The following PAK5 variants were observed in gnomAD, a reference collection of about 807,000 sequenced individuals.
PAK5 encodes the protein p21 (RAC1) activated kinase 5.
In PAK5, 16 loss-of-function variants were observed where a neutral mutation model predicts 65.9. The observed-to-expected ratio is 0.24, with a 90% CI of 0.16 to 0.37. The LOEUF is 0.37. Ranked by LOEUF, PAK5 falls within the 10% of genes least tolerant of loss-of-function variation. The pLI is 1.00. For missense variants in PAK5, 785 were observed against 903.9 expected (o/e 0.87, Z 1.69); for synonymous variants, 371 against 354.9 (o/e 1.05, Z -0.51).
intron 1 of PAK5, among the ~76,000 whole-genome samples, chr20:9,735,357 C>T (rs1321612573): frequency 2.0e-5 from 3 of 152,120 alleles, no homozygotes; most frequent in African/African-American, 7.2e-5. Flanking sequence ...CAATGTCTCC[C>T]TCAAGTATTC....
chr20:9,692,107 AG>A (rs1277164828), intron 2 of PAK5, among the ~76,000 whole-genome samples: 3 of 152,334 alleles, frequency 2.0e-5, no homozygotes, highest in Non-Finnish European at 2.9e-5. Context: ...TTCCTTCCAG[AG>A]AATTAATACT....
intron 2 of PAK5, among the ~76,000 whole-genome samples, chr20:9,703,376 G>A (rs2123467901): frequency 6.6e-6 from 1 of 152,220 alleles, no homozygotes; most frequent in African/African-American, 2.4e-5. Context: ...ATGCAGTTGG[G>A]AATTCCGAGC....
intron 2 of PAK5, among the ~76,000 whole-genome samples, chr20:9,708,679 T>G (rs2048039057): frequency 6.6e-6 from 1 of 152,174 alleles, no homozygotes; most frequent in South Asian, 2.1e-4. Flanking sequence ...GGACTTCCTC[T>G]GGCTGCTGGA....
chr20:9,676,539 GA>G (rs73613695), intron 2 of PAK5, among the ~76,000 whole-genome samples: 28,546 of 152,070 alleles, frequency 0.19, 2,914 homozygotes, highest in East Asian at 0.36. Context: ...AAACAGGAAA[GA>G]AAACAGGATA....
chr20:9,787,594 C>T (rs1203501910), intron 1 of PAK5, among the ~76,000 whole-genome samples: 1 of 150,970 alleles, frequency 6.6e-6, no homozygotes, highest in Non-Finnish European at 1.5e-5. Context: ...AAAACTGACG[C>T]TTACTCTGCA....
At position 9,537,619 on chromosome 20, in the gene PAK5, T is replaced by C. The variant is rs2045191619; in HGVS notation, c.*1843A>G. On this transcript the variant is annotated 3_prime_UTR_variant, in exon 10 of 10. Coordinates refer to ENST00000353224, the MANE Select transcript of PAK5 (RefSeq NM_177990.4). ...AATGTTTATTCTGGTTTAAAAAAGA[T>C]TTTCTTTTTCTTTTCTTTCTACTTC... The C allele has an allele frequency of 4.6e-6, 1 of 215,298 alleles. No homozygotes were observed. The highest frequency in any genetic ancestry group is 1.9e-4 in the South Asian group (1 of 5,334). 13.3% of individuals were successfully genotyped at this position (215,298 alleles called of 1,614,324 possible). A position where few individuals can be genotyped will look rare whatever the true frequency, so the allele number is the denominator to read the frequency against.
chr20:9,612,930 T>C lies in PAK5; in HGVS notation c.204+31195A>G, dbSNP rs1568998899. 2.6e-5 allele frequency among the ~76,000 whole-genome samples: 4 copies of C among 152,276 alleles called. No homozygotes were observed. The South Asian group carries it at 8.3e-4, about 32-fold the overall frequency. On this transcript the variant is annotated intron_variant, in intron 3 of 9. Coordinates refer to ENST00000353224, the MANE Select transcript of PAK5 (RefSeq NM_177990.4). Reference sequence around the variant, plus strand: ...ATTAGACTATACAATCTATTAAAAATAGACTTTATTTTACCTATTATTCAA... The same window carrying C: ...ATTAGACTATACAATCTATTAAAAACAGACTTTATTTTACCTATTATTCAA...
At chr20:9,690,742 CTTTCTTTCTTTTT>C (rs1160306804) in intron 2 of PAK5, among the ~76,000 whole-genome samples, 1 of 125,672 alleles carries the variant, frequency 8.0e-6, no homozygotes, top group African/African-American at 3.3e-5. Flanking sequence ...TTCTTTCTTT[CTTTCTTTCTTTTT>C]TTTTTTTTTT....
At chr20:9,827,996 T>C (rs1978403713) in intron 1 of PAK5, among the ~76,000 whole-genome samples, 1 of 152,012 alleles carries the variant, frequency 6.6e-6, no homozygotes, top group East Asian at 1.9e-4. Context: ...CATGCCCAGC[T>C]AATGTTTTTT....
intron 1 of PAK5, among the ~76,000 whole-genome samples, chr20:9,816,771 C>T (rs2049362238): frequency 6.6e-6 from 1 of 152,108 alleles, no homozygotes; most frequent in Non-Finnish European, 1.5e-5. Flanking sequence ...CAATACCATA[C>T]CTTATAATAA....
At chr20:9,756,828 T>C (rs768817621) in intron 1 of PAK5, among the ~76,000 whole-genome samples, 1 of 152,144 alleles carries the variant, frequency 6.6e-6, no homozygotes, top group Non-Finnish European at 1.5e-5. Flanking sequence ...ACTGCAAACA[T>C]CTGTAACTTA....
At chr20:9,646,190 T>A (rs923474742) in intron 2 of PAK5, among the ~76,000 whole-genome samples, 9 of 152,238 alleles carry the variant, frequency 5.9e-5, no homozygotes, top group African/African-American at 1.9e-4. Flanking sequence ...TTAAAACTGT[T>A]ACTTCTTTTA....
At chr20:9,783,509 A>G (rs2048963334) in intron 1 of PAK5, among the ~76,000 whole-genome samples, 1 of 152,118 alleles carries the variant, frequency 6.6e-6, no homozygotes, top group Admixed American at 6.6e-5. Context: ...GGAGGCAGGG[A>G]ACTCTAAGAA....
chr20:9,672,708 A>G (rs1296224694), intron 2 of PAK5, among the ~76,000 whole-genome samples: 1 of 152,156 alleles, frequency 6.6e-6, no homozygotes, highest in Non-Finnish European at 1.5e-5. Context: ...AGAACAGACT[A>G]ATACACTCAG....
At chr20:9,574,573 G>T (rs1221889850) in intron 4 of PAK5, among the ~76,000 whole-genome samples, 1 of 152,164 alleles carries the variant, frequency 6.6e-6, no homozygotes, top group Non-Finnish European at 1.5e-5. Context: ...AACGGACAAT[G>T]CCAGGTTAAA....
rs1343528711 is a variant in PAK5 at position 9,759,356 on chromosome 20, A to C, written c.-161-47921T>G. 2.6e-5 allele frequency among the ~76,000 whole-genome samples: 4 copies of C among 152,128 alleles called. No individual in the cohort carries two copies. In the East Asian group the frequency reaches 7.7e-4, roughly 29 times the overall value. ...TATAGATAAGTGTTCCTCTGTTTGC[A>C]TTATGGGAAACTTCTATTTGGCAAG... On this transcript the variant is annotated intron_variant, in intron 1 of 9. Transcript: ENST00000353224.
chr20:9,738,978 A>T (rs1291229202), intron 1 of PAK5, among the ~76,000 whole-genome samples: 1 of 152,170 alleles, frequency 6.6e-6, no homozygotes, highest in African/African-American at 2.4e-5. Flanking sequence ...GCAGATATAA[A>T]CATTTCCATT....
intron 3 of PAK5, among the ~76,000 whole-genome samples, chr20:9,605,042 A>T (rs1268930077): frequency 6.6e-6 from 1 of 152,246 alleles, no homozygotes; most frequent in East Asian, 1.9e-4. Context: ...CACATGACAG[A>T]CTGAAGAAAG....
At chr20:9,817,824 A>T (rs921108749) in intron 1 of PAK5, among the ~76,000 whole-genome samples, 1 of 152,184 alleles carries the variant, frequency 6.6e-6, no homozygotes, top group Non-Finnish European at 1.5e-5. Context: ...TCTATGATTT[A>T]TGTCAAATTC....
Sources: gnomAD v4.1 joint callset for allele counts (sites outside exome capture counted in the v4.1 genomes callset) on GRCh38, gnomAD v4.1.1 for gene constraint, MANE v1.5 for transcripts, NCBI Gene and HGNC (gene_info 2026-07-23, HGNC 2026-07-21) for gene names.